CA10: variants seen among roughly 807,000 people sequenced by gnomAD.
CA10 encodes the protein carbonic anhydrase 10 (inactive).
A neutral mutation model predicts 44.2 loss-of-function variants in CA10; 14 were observed. That is an observed-to-expected ratio of 0.32 (90% CI 0.21 to 0.50). The LOEUF is 0.50. CA10 is among the 20% of genes least tolerant of loss of function. The probability of loss-of-function intolerance (pLI) is 0.99; values close to 1 mark genes in which losing one functional copy is unlikely to be tolerated. For synonymous variants in CA10, 159 were observed against 141.6 expected, an observed-to-expected ratio of 1.12 and a Z score of -0.87; for missense variants, 350 against 409.7, an observed-to-expected ratio of 0.85 and a Z score of 1.26.
At chr17:51,718,417 C>T (rs1335072220) in intron 4 of CA10, among the ~76,000 whole-genome samples, 1 of 152,142 alleles carries the variant, frequency 6.6e-6, no homozygotes, top group Non-Finnish European at 1.5e-5. Context: ...GGTAAGGAAG[C>T]CTCCAATAAA....
chr17:52,080,956 C>T (rs1031367493), intron 1 of CA10, among the ~76,000 whole-genome samples: 6 of 152,136 alleles, frequency 3.9e-5, no homozygotes, highest in Non-Finnish European at 5.9e-5. Flanking sequence ...GTATTCTAAG[C>T]ATTGAGGGTA....
At chr17:52,087,656 C>T (rs1189033929) in intron 1 of CA10, among the ~76,000 whole-genome samples, 1 of 152,134 alleles carries the variant, frequency 6.6e-6, no homozygotes, top group Non-Finnish European at 1.5e-5. Context: ...TGTATTACAA[C>T]ATATTGAATA....
rs576899964 is a variant in CA10, at chr17:52,004,503, C to T, written c.136+67816G>A. On this transcript the variant is annotated intron_variant, in intron 2 of 8. Coordinates refer to ENST00000451037, the MANE Select transcript of CA10 (RefSeq NM_020178.5). ...TTTATAACCAACACTGTGGAAAAGACACATGTATGTATTTTCTTAGAAGTT... is the reference window on the plus strand; with the variant it reads ...TTTATAACCAACACTGTGGAAAAGATACATGTATGTATTTTCTTAGAAGTT... Among the ~76,000 whole-genome samples, 3 of 151,994 alleles carry T rather than the reference C, an allele frequency of 2.0e-5. No homozygotes were observed. The South Asian group carries it at 6.2e-4, about 32-fold the overall frequency.
intron 3 of CA10, among the ~76,000 whole-genome samples, chr17:51,909,624 C>A (rs1452672799): frequency 1.3e-5 from 2 of 152,074 alleles, no homozygotes; most frequent in African/African-American, 4.8e-5. Context: ...ACAAAGACCC[C>A]ATTTCAGGGA....
chr17:52,134,829 C>T, intron 1 of CA10: 1 of 516,990 alleles, frequency 1.9e-6, no homozygotes, highest in Non-Finnish European at 3.9e-6. Flanking sequence ...ATGTCACTGC[C>T]ATCCTCCACC....
In CA10 at chr17:51,722,024, T is replaced by A. The variant is rs552846797; in HGVS notation, c.465+25609A>T. The stretch of plus-strand genomic sequence containing the variant: ...GTCAGTTTGAGGCCTAGACTTATGA[T>A]TGGCCTCTGAAGTAGGAGGAGTCTG... On this transcript the variant is annotated intron_variant, in intron 4 of 8. Transcript: ENST00000451037. Among the ~76,000 whole-genome samples the A allele has an allele frequency of 2.2e-4, 34 of 152,300 alleles. No individual in the cohort carries two copies. In the East Asian group the frequency reaches 6.2e-3, roughly 28 times the overall value.
intron 3 of CA10, among the ~76,000 whole-genome samples, chr17:51,827,570 A>C (rs1307382084): frequency 6.6e-6 from 1 of 152,222 alleles, no homozygotes; most frequent in East Asian, 1.9e-4. Context: ...AAACTCTTAC[A>C]CCTTTTACTA....
At chr17:51,863,943 G>A (rs1979429259) in intron 3 of CA10, among the ~76,000 whole-genome samples, 1 of 152,168 alleles carries the variant, frequency 6.6e-6, no homozygotes, top group Non-Finnish European at 1.5e-5. Context: ...CTGATTGACT[G>A]AATCATTGGC....
At chr17:51,991,882 CCCT>C (rs1985053371) in intron 2 of CA10, among the ~76,000 whole-genome samples, 1 of 151,994 alleles carries the variant, frequency 6.6e-6, no homozygotes, top group African/African-American at 2.4e-5. Context: ...CCATAACCAC[CCCT>C]CCTCTGCCCA....
chr17:51,803,374 G>A (rs9902069), intron 3 of CA10, among the ~76,000 whole-genome samples: 3,880 of 152,134 alleles, frequency 0.026, 157 homozygotes, highest in African/African-American at 0.086. Flanking sequence ...AGCATCTCCC[G>A]CTCCTGCATT....
intron 2 of CA10, among the ~76,000 whole-genome samples, chr17:51,984,696 T>C (rs925571618): frequency 2.0e-5 from 3 of 151,714 alleles, no homozygotes; most frequent in Non-Finnish European, 4.4e-5. Flanking sequence ...CTGACACCAC[T>C]GAAATACAAA....
chr17:51,632,995 A>C (rs1597950802), intron 8 of CA10, among the ~76,000 whole-genome samples: 2 of 152,172 alleles, frequency 1.3e-5, no homozygotes, highest in East Asian at 3.9e-4. Flanking sequence ...TTCATCTTCT[A>C]GGGGAAAGCA....
intron 3 of CA10, among the ~76,000 whole-genome samples, chr17:51,930,569 C>G (rs76636715): frequency 3.6e-4 from 12 of 33,196 alleles, no homozygotes; most frequent in African/African-American, 1.2e-3. Context: ...TGATTTTTGT[C>G]TGTTTTTTTC....
At chr17:51,802,229 C>G (rs961692152) in intron 3 of CA10, among the ~76,000 whole-genome samples, 1 of 152,178 alleles carries the variant, frequency 6.6e-6, no homozygotes, top group Non-Finnish European at 1.5e-5. Context: ...CTCAGGGAGA[C>G]AGTATCCTAG....
At chr17:52,113,762 A>G (rs953078508) in intron 1 of CA10, among the ~76,000 whole-genome samples, 4 of 152,262 alleles carry the variant, frequency 2.6e-5, no homozygotes, top group Non-Finnish European at 5.9e-5. Flanking sequence ...ATGTATTTAC[A>G]TTTCAAGTGA....
intron 1 of CA10, among the ~76,000 whole-genome samples, chr17:52,121,405 A>C (rs1989012105): frequency 6.6e-6 from 1 of 152,192 alleles, no homozygotes; most frequent in Non-Finnish European, 1.5e-5. Flanking sequence ...TATTGCTTAA[A>C]AAAGAAAAAA....
chr17:51,839,335 A>G (rs1388248661), intron 3 of CA10, among the ~76,000 whole-genome samples: 1 of 151,914 alleles, frequency 6.6e-6, no homozygotes, highest in Non-Finnish European at 1.5e-5. Flanking sequence ...TACTTAAAAT[A>G]CAAAAAAATT....
intron 3 of CA10, among the ~76,000 whole-genome samples, chr17:51,855,686 G>A (rs1000891981): frequency 2.6e-5 from 4 of 152,198 alleles, no homozygotes; most frequent in South Asian, 2.1e-4. Flanking sequence ...GTGCTGGCTC[G>A]TCTCTTCAAC....
chr17:51,693,106 A>T (rs544578782), intron 4 of CA10, among the ~76,000 whole-genome samples: 1 of 152,240 alleles, frequency 6.6e-6, no homozygotes, highest in South Asian at 2.1e-4. Flanking sequence ...GCCAATTTGG[A>T]CTAGTTTCAG....
Sources: allele counts gnomAD v4.1 joint callset (sites outside exome capture counted in the v4.1 genomes callset), GRCh38; gene constraint gnomAD v4.1.1; transcripts MANE v1.5; gene names NCBI Gene and HGNC (gene_info 2026-07-23, HGNC 2026-07-21).